The following FCN2 variants were observed in gnomAD, a reference collection of about 807,000 sequenced individuals.
FCN2 encodes ficolin 2.
FCN2 carries 31 observed loss-of-function variants against 32.5 expected under a neutral mutation model. That is an observed-to-expected ratio of 0.96 (90% CI 0.72 to 1.29). The LOEUF is 1.29. Among genes scored for constraint, FCN2 ranks in the 50% most tolerant of loss-of-function variants. The probability of loss-of-function intolerance (pLI) is 0.00; values close to 1 mark genes in which losing one functional copy is unlikely to be tolerated. For missense variants in FCN2, 412 were observed against 406.5 expected, an observed-to-expected ratio of 1.01 and a Z score of -0.12; for synonymous variants, 181 against 164.5, an observed-to-expected ratio of 1.10 and a Z score of -0.77.
chr9:134,880,872 C>G lies in FCN2; in HGVS notation c.51C>G (p.Leu17=), dbSNP rs781203500. Residue 17 remains leucine (L), a synonymous_variant, in exon 1 of 8, where the codon CTC becomes CTG. Coordinates refer to ENST00000291744, the MANE Select transcript of FCN2 (RefSeq NM_004108.3). ...TCCTGGGCGCTGCCACCCTGCTGCTCTCTTTCCTGGGCATGGCCTGGGCTC... is the reference window on the plus strand; with the variant it reads ...TCCTGGGCGCTGCCACCCTGCTGCTGTCTTTCCTGGGCATGGCCTGGGCTC... ...VGVLGAATLL[L]SFLGMAWALQ... is the part of the protein sequence containing the mutation. 3.1e-6 allele frequency: 5 copies of G among 1,613,680 alleles called. No individual in the cohort carries two copies. In the East Asian group the frequency reaches 8.9e-5, roughly 29 times the overall value.
At chr9:134,886,354 C>T in intron 6 of FCN2, 76 bp from the exon 7 acceptor site, 1 of 1,577,538 alleles carries the variant, frequency 6.3e-7, no homozygotes, top group Non-Finnish European at 8.7e-7. Context: ...CTTCCAGGCC[C>T]TGCCCCAGAT....
intron 7 of FCN2, among the ~76,000 whole-genome samples, chr9:134,886,788 G>A (rs1305443848): frequency 6.6e-6 from 1 of 152,210 alleles, no homozygotes; most frequent in South Asian, 2.1e-4. Flanking sequence ...GCATCTGGTA[G>A]GAAGGAAGTC....
chr9:134,876,665 G>C (rs1197731782), upstream of FCN2, among the ~76,000 whole-genome samples: 1 of 152,290 alleles, frequency 6.6e-6, no homozygotes, highest in East Asian at 1.9e-4. Context: ...TGCAACCTCT[G>C]CCTCCTGGGT....
the FCN2 span, among the ~76,000 whole-genome samples, chr9:134,868,756 C>T: frequency 1.3e-5 from 2 of 152,220 alleles, no homozygotes; most frequent in Admixed American, 1.3e-4. The surrounding 1 kb of genome is among the most constrained non-coding windows in gnomAD (Gnocchi z 4.3). Flanking sequence ...GATGCCATGG[C>T]CGTTTGCCCT....
At chr9:134,887,068 T>C in intron 7 of FCN2, 100 bp from the exon 8 acceptor site, 2 of 1,379,130 alleles carry the variant, frequency 1.5e-6, no homozygotes, top group Non-Finnish European at 2.1e-6. Context: ...TGCCTAACCA[T>C]ACATGGAGGA....
chr9:134,874,768 G>C, the FCN2 span, among the ~76,000 whole-genome samples: 1 of 152,176 alleles, frequency 6.6e-6, no homozygotes, highest in African/African-American at 2.4e-5. Context: ...TGTTTGGCCT[G>C]TGTTGCATCT....
At chr9:134,876,754 T>C (rs1471865166), upstream of FCN2, among the ~76,000 whole-genome samples, 2 of 152,042 alleles carry the variant, frequency 1.3e-5, no homozygotes, top group Non-Finnish European at 2.9e-5. Context: ...ATTTTTGTAT[T>C]TTTAGTAGAG....
chr9:134,875,971 T>C (rs1032987348), upstream of FCN2, among the ~76,000 whole-genome samples: 5 of 152,360 alleles, frequency 3.3e-5, no homozygotes, highest in Non-Finnish European at 7.3e-5. Context: ...TTATTCTTCA[T>C]TTTTGGAGAG....
At position 134,885,843 on chromosome 9, in the gene FCN2, C is replaced by T. The variant is rs760732933; in HGVS notation, c.505C>T (p.Arg169Trp). ...CACGTACAAGCAGGGCTTCGGCAGT[C>T]GGCTGGGGGAGTTCTGGCTGGGGAA... is the stretch of plus-strand genomic sequence containing the variant. ...WATYKQGFGS[R>W]LGEFWLGNDN... Residue 169 changes from arginine to tryptophan, a missense_variant, in exon 6 of 8, where the codon CGG becomes TGG. Physicochemically the swap from Arg to Trp is moderately radical, Grantham distance 101. Coordinates refer to ENST00000291744, the MANE Select transcript of FCN2 (RefSeq NM_004108.3). 53 of 1,613,684 alleles carry T rather than the reference C, an allele frequency of 3.3e-5. No homozygotes were observed. The highest frequency in any genetic ancestry group is 4.4e-5 in the South Asian group (4 of 91,074).
At chr9:134,884,084 A>C (rs1447846047) in intron 3 of FCN2, among the ~76,000 whole-genome samples, 1 of 151,782 alleles carries the variant, frequency 6.6e-6, no homozygotes, top group Non-Finnish European at 1.5e-5. Flanking sequence ...CTGCTTGAAA[A>C]CCAGGATCAG....
the FCN2 span, among the ~76,000 whole-genome samples, chr9:134,866,624 C>A: frequency 9.1e-3 from 1,363 of 149,448 alleles, 11 homozygotes; most frequent in South Asian, 0.061. Context: ...GCAACAAAAG[C>A]CAAAATTGAC....
chr9:134,884,068 C>G (rs888936514), intron 3 of FCN2, among the ~76,000 whole-genome samples: 1 of 151,976 alleles, frequency 6.6e-6, no homozygotes, highest in Non-Finnish European at 1.5e-5. Context: ...TCCCCTCCTC[C>G]TGACTCTGCT....
At chr9:134,871,626 C>T in the FCN2 span, among the ~76,000 whole-genome samples, 41 of 152,114 alleles carry the variant, frequency 2.7e-4, no homozygotes, top group Non-Finnish European at 4.6e-4. Flanking sequence ...CGGCCCCTGC[C>T]GAGCTCCTTC....
intron 1 of FCN2, among the ~76,000 whole-genome samples, chr9:134,881,365 C>G (rs1479338609): frequency 6.6e-6 from 1 of 152,158 alleles, no homozygotes; most frequent in Non-Finnish European, 1.5e-5. Context: ...CACTGCAGGA[C>G]CTTTCCATCC....
intron 7 of FCN2, among the ~76,000 whole-genome samples, 186 bp downstream of exon 7, chr9:134,886,750 G>C (rs1024097602): frequency 6.6e-6 from 1 of 152,174 alleles, no homozygotes; most frequent in Non-Finnish European, 1.5e-5. Flanking sequence ...GGACACATCA[G>C]TGTATGACTG....
intron 3 of FCN2, 33 bp from the exon 4 acceptor site, chr9:134,884,705 CTG>C: frequency 3.7e-6 from 6 of 1,611,524 alleles, no homozygotes; most frequent in Non-Finnish European, 5.1e-6. Context: ...GATTTCCAAA[CTG>C]TGACACGTGT....
intron 7 of FCN2, 108 bp downstream of exon 7, chr9:134,886,672 CTG>C: frequency 7.7e-7 from 1 of 1,300,476 alleles, no homozygotes. Flanking sequence ...CCTCACCTCT[CTG>C]AGCCAATTCG....
rs907116410 is a variant in FCN2, at chr9:134,887,319, G to A, written c.846G>A (p.Gly282=). Residue 282 remains glycine, a synonymous_variant, in exon 8 of 8, where the codon GGG becomes GGA. Transcript: ENST00000291744. ...VSNLNGRYLR[G]THGSFANGIN... ...ACCTGAATGGTCGCTACCTCAGGGG[G>A]ACTCATGGCAGCTTTGCAAATGGCA... The A allele has an allele frequency of 6.2e-7, 1 of 1,614,056 alleles. No homozygotes were observed. Among genetic ancestry groups the A allele is most frequent in the Admixed American group, 1.7e-5 (1 of 60,008 alleles).
the FCN2 span, among the ~76,000 whole-genome samples, chr9:134,875,035 A>G: frequency 6.6e-6 from 1 of 152,208 alleles, no homozygotes; most frequent in Non-Finnish European, 1.5e-5. Flanking sequence ...TATATATTGA[A>G]GTTATATACT....
Sources: allele counts gnomAD v4.1 joint callset (sites outside exome capture counted in the v4.1 genomes callset), GRCh38; gene constraint gnomAD v4.1.1; non-coding constraint Gnocchi (gnomAD v3.1); transcripts MANE v1.5; gene names NCBI Gene and HGNC (gene_info 2026-07-23, HGNC 2026-07-21).